The following ROR1 variants were observed in gnomAD, a reference collection of about 807,000 sequenced individuals.
ROR1 encodes the protein inactive tyrosine-protein kinase transmembrane receptor ROR1.
Under a neutral mutation model 78.8 loss-of-function variants are expected in ROR1, and 19 were observed. The ratio of observed to expected loss-of-function variants is 0.24; its 90% CI spans 0.17 to 0.35. The LOEUF is 0.35. Among genes scored for constraint, ROR1 ranks in the 10% least tolerant of loss-of-function variants. The pLI, the probability that ROR1 is intolerant of heterozygous loss-of-function variation, is 1.00. For missense variants in ROR1, 917 were observed against 1,177.8 expected (o/e 0.78, Z 3.24); for synonymous variants, 386 against 433.6 (o/e 0.89, Z 1.36).
chr1:63,792,443 AT>A (rs928967701), intron 1 of ROR1, among the ~76,000 whole-genome samples: 78 of 152,250 alleles, frequency 5.1e-4, no homozygotes, highest in African/African-American at 1.8e-3. Context: ...AGCAGTTCTC[AT>A]TTACATGGGG....
intron 1 of ROR1, among the ~76,000 whole-genome samples, chr1:63,943,089 T>C (rs1645854186): frequency 1.1e-5 from 1 of 93,080 alleles, no homozygotes; most frequent in Middle Eastern, 5.3e-3. Flanking sequence ...CAAAACCCTG[T>C]CTTTAAAAAA....
rs1005378296 is a variant in ROR1, at chr1:64,104,513, C to T, written c.483-32856C>T. On this transcript the variant is annotated intron_variant, in intron 4 of 8. Transcript: ENST00000371079. ...TTTTTTTTTATTTTACTTTAAGTTC[C>T]GGGATACATGTATAGAACACGCAGA... Among the ~76,000 whole-genome samples, 5 of 151,472 alleles carry T rather than the reference C, an allele frequency of 3.3e-5. No individual in the cohort carries two copies. In the East Asian group the frequency reaches 9.7e-4, roughly 29 times the overall value.
At chr1:63,943,845 G>A (rs1221463107) in intron 1 of ROR1, among the ~76,000 whole-genome samples, 1 of 152,216 alleles carries the variant, frequency 6.6e-6, no homozygotes, top group Non-Finnish European at 1.5e-5. Flanking sequence ...AAAAAGAAAA[G>A]AGAGAAACCA....
intron 1 of ROR1, among the ~76,000 whole-genome samples, chr1:64,006,990 T>A (rs1241173348): frequency 1.3e-5 from 2 of 151,702 alleles, no homozygotes; most frequent in Non-Finnish European, 2.9e-5. Context: ...ATACGAAAAA[T>A]GTGCTTATCT....
chr1:63,999,807 C>T (rs1287047409), intron 1 of ROR1, among the ~76,000 whole-genome samples: 2 of 152,144 alleles, frequency 1.3e-5, no homozygotes, highest in Non-Finnish European at 2.9e-5. Flanking sequence ...TCTAAACTGT[C>T]TGCTAATATA....
At chr1:63,937,981 A>C (rs1021180759) in intron 1 of ROR1, among the ~76,000 whole-genome samples, 2 of 152,114 alleles carry the variant, frequency 1.3e-5, no homozygotes, top group Non-Finnish European at 1.5e-5. Context: ...GATTCTCCCT[A>C]GCCCTCCTTC....
chr1:63,811,132 G>A (rs905058325), intron 1 of ROR1, among the ~76,000 whole-genome samples: 7 of 152,212 alleles, frequency 4.6e-5, no homozygotes, highest in African/African-American at 1.7e-4. Context: ...TTGGGTGAAT[G>A]TGGAATAAGG....
intron 1 of ROR1, among the ~76,000 whole-genome samples, chr1:63,863,912 A>G (rs1283240448): frequency 1.3e-5 from 2 of 152,158 alleles, no homozygotes; most frequent in African/African-American, 4.8e-5. Context: ...CAATGCTAGC[A>G]TTAACTACTA....
chr1:63,888,457 C>CA lies in ROR1; in HGVS notation c.91+113957dup, dbSNP rs939767712. On this transcript the variant is annotated intron_variant, in intron 1 of 8. Coordinates refer to ENST00000371079, the MANE Select transcript of ROR1 (RefSeq NM_005012.4). ...TCCAGATAGGGAGATCCCATCTTTA[C>CA]AAAAAAAACTTTAAAAATTAGCTGG... 4.6e-5 allele frequency among the ~76,000 whole-genome samples: 7 copies of CA among 151,706 alleles called. No homozygotes were observed. In the East Asian group the frequency reaches 5.8e-4, roughly 13 times the overall value.
intron 1 of ROR1, among the ~76,000 whole-genome samples, chr1:63,827,629 T>C (rs1644962116): frequency 6.6e-6 from 1 of 152,168 alleles, no homozygotes; most frequent in Non-Finnish European, 1.5e-5. Context: ...CAGGAAACTA[T>C]CTAGGTTTCT....
At chr1:64,142,795 G>A in intron 7 of ROR1, 145 bp downstream of exon 7, 2 of 1,447,666 alleles carry the variant, frequency 1.4e-6, no homozygotes, top group South Asian at 1.5e-5. Context: ...GGTAAACCTT[G>A]CCGTTTCTAC....
chr1:63,960,032 A>C (rs1369898212), intron 1 of ROR1, among the ~76,000 whole-genome samples: 3 of 152,124 alleles, frequency 2.0e-5, no homozygotes, highest in Non-Finnish European at 1.5e-5. Context: ...GAGTCCCCCA[A>C]ATGCACTGCT....
intron 4 of ROR1, among the ~76,000 whole-genome samples, chr1:64,096,070 T>C (rs1303554546): frequency 6.6e-6 from 1 of 152,172 alleles, no homozygotes; most frequent in Non-Finnish European, 1.5e-5. Context: ...ATACCATCAG[T>C]GTTTGCATAG....
In ROR1 at chr1:64,171,969, G is replaced by T. The variant is rs75349506; in HGVS notation, c.1387-5459G>T. Among the ~76,000 whole-genome samples the T allele has an allele frequency of 5.3e-3, 808 of 152,290 alleles. 9 individuals carry two copies. Among genetic ancestry groups the T allele is most frequent in the African/African-American group, 0.017 (714 of 41,566 alleles). ...GGTTAGTAGTAGGCTGCTTCACCAG[G>T]AGTCATTTCAAATGTATTGTCACCT... is the stretch of plus-strand genomic sequence containing the variant. On this transcript the variant is annotated intron_variant, in intron 8 of 8. Coordinates refer to ENST00000371079, the MANE Select transcript of ROR1 (RefSeq NM_005012.4).
chr1:63,816,763 A>G (rs1018202137), intron 1 of ROR1, among the ~76,000 whole-genome samples: 1 of 152,228 alleles, frequency 6.6e-6, no homozygotes, highest in Non-Finnish European at 1.5e-5. Context: ...CTCCTTGAGC[A>G]GCCATGTCTT....
At chr1:64,009,540 T>G (rs996716205) in intron 2 of ROR1, among the ~76,000 whole-genome samples, 164 bp downstream of exon 2, 25 of 152,192 alleles carry the variant, frequency 1.6e-4, no homozygotes, top group Non-Finnish European at 3.1e-4. Flanking sequence ...ATTGAATTAC[T>G]TGGGATTCTA....
intron 1 of ROR1, among the ~76,000 whole-genome samples, chr1:63,822,485 G>A (rs985639854): frequency 2.7e-4 from 41 of 152,118 alleles, no homozygotes; most frequent in Admixed American, 2.4e-3. Context: ...TGTAGAAAAT[G>A]AGAAAAGAGC....
chr1:63,853,977 C>T (rs1328890403), intron 1 of ROR1, among the ~76,000 whole-genome samples: 1 of 152,162 alleles, frequency 6.6e-6, no homozygotes, highest in African/African-American at 2.4e-5. Context: ...TTAACTAATG[C>T]TGCTGTGACT....
chr1:63,889,248 A>G (rs1046623213), intron 1 of ROR1, among the ~76,000 whole-genome samples: 31 of 128,878 alleles, frequency 2.4e-4, no homozygotes, highest in Non-Finnish European at 6.0e-5. Flanking sequence ...TCTACCATAT[A>G]CTATTAGTCA....
Sources: allele counts gnomAD v4.1 joint callset (sites outside exome capture counted in the v4.1 genomes callset), GRCh38; gene constraint gnomAD v4.1.1; transcripts MANE v1.5; gene names NCBI Gene and HGNC (gene_info 2026-07-23, HGNC 2026-07-21).